The following PTGIS variants were observed in gnomAD, a reference collection of about 807,000 sequenced individuals.
PTGIS encodes the protein prostacyclin synthase.
In PTGIS, 45 loss-of-function variants were observed where a neutral mutation model predicts 50.3. The ratio of observed to expected loss-of-function variants is 0.90; its 90% confidence interval spans 0.70 to 1.15. The LOEUF is 1.15. PTGIS is among the 50% of genes most tolerant of loss of function. The pLI, the probability that PTGIS is intolerant of heterozygous loss-of-function variation, is 0.00. For missense variants in PTGIS, 668 were observed against 661.3 expected (o/e 1.01, Z -0.11); for synonymous variants, 260 against 267.7 (o/e 0.97, Z 0.28).
At chr20:49,538,250 G>A (rs1013405835) in intron 5 of PTGIS, among the ~76,000 whole-genome samples, 6 of 115,560 alleles carry the variant, frequency 5.2e-5, no homozygotes, top group Non-Finnish European at 1.0e-4. Flanking sequence ...GTGAGACCCT[G>A]GTTCAGAAAA....
chr20:49,558,932 C>T (rs780753395), intron 1 of PTGIS, among the ~76,000 whole-genome samples: 11 of 152,004 alleles, frequency 7.2e-5, no homozygotes, highest in Non-Finnish European at 1.3e-4. Context: ...AGGCTGGTCT[C>T]GAACTCCTGA....
rs1228951149 is a variant in PTGIS at position 49,549,943 on chromosome 20, A to C, written c.198+123T>G. 9.3e-5 allele frequency: 141 copies of C among 1,511,416 alleles called. 1 individual carries two copies. Among genetic ancestry groups the C allele is most frequent in the Admixed American group, 8.4e-5 (5 of 59,504 alleles). 93.6% of individuals were successfully genotyped at this position (1,511,416 alleles called of 1,614,324 possible). A position where few individuals can be genotyped will look rare whatever the true frequency, so the allele number is the denominator to read the frequency against. On this transcript the variant is annotated intron_variant, in intron 2 of 9. Transcript: ENST00000244043. ...ATAGAAAGTTGGCTCGACCACTCAG[A>C]TGGATGTTGGATGGTGGGGTGGGGG...
At chr20:49,555,156 C>T (rs1982596891) in intron 1 of PTGIS, among the ~76,000 whole-genome samples, 1 of 151,960 alleles carries the variant, frequency 6.6e-6, no homozygotes, top group African/African-American at 2.4e-5. Flanking sequence ...GCCTATAATC[C>T]CAGCTAGTCG....
intron 6 of PTGIS, among the ~76,000 whole-genome samples, chr20:49,519,534 G>A (rs1003320244): frequency 2.6e-5 from 4 of 151,838 alleles, no homozygotes; most frequent in Admixed American, 2.0e-4. Flanking sequence ...AGAGCCCCAG[G>A]GATGCCCCCT....
At chr20:49,559,755 A>G (rs747658749) in intron 1 of PTGIS, among the ~76,000 whole-genome samples, 15 of 152,132 alleles carry the variant, frequency 9.9e-5, no homozygotes, top group African/African-American at 3.4e-4. Context: ...TGGGAAATCA[A>G]TAGAGATAGA....
intron 3 of PTGIS, among the ~76,000 whole-genome samples, chr20:49,547,630 C>CAAACAAAA (rs965775052): frequency 1.3e-5 from 2 of 152,008 alleles, no homozygotes; most frequent in Admixed American, 6.5e-5. Context: ...AACAAACAAA[C>CAAACAAAA]AAACAAAAAA....
intron 6 of PTGIS, among the ~76,000 whole-genome samples, chr20:49,517,400 G>A (rs778700181): frequency 7.9e-5 from 12 of 152,206 alleles, no homozygotes; most frequent in South Asian, 2.1e-4. Flanking sequence ...GCTGTGGCAA[G>A]TTAGGGAGGT....
Position 49,514,264 on chromosome 20 carries a change from A to T in PTGIS, c.987T>A (p.Thr329=). Residue 329 remains threonine (T), a synonymous_variant, in exon 7 of 10, where the codon ACT becomes ACA. Transcript: ENST00000244043. Reference sequence around the variant, plus strand: ...TGCTGTCTAGAACCTTCTGTGGGAGAGTGGTCGTCTGCGAGACAGGCTGCT... The same window carrying T: ...TGCTGTCTAGAACCTTCTGTGGGAGTGTGGTCGTCTGCGAGACAGGCTGCT... ...QAEQPVSQTT[T]LPQKVLDSTP... The T allele has an allele frequency of 6.2e-7, 1 of 1,614,024 alleles. No individual in the cohort carries two copies. Among genetic ancestry groups the T allele is most frequent in the South Asian group, 1.1e-5 (1 of 91,078 alleles).
chr20:49,564,606 A>C (rs963399926), intron 1 of PTGIS, among the ~76,000 whole-genome samples: 5 of 152,188 alleles, frequency 3.3e-5, no homozygotes, highest in Non-Finnish European at 7.4e-5. Context: ...GTATAGGTAC[A>C]TGGGGCTTCT....
intron 9 of PTGIS, 99 bp from the exon 10 acceptor site, chr20:49,508,163 C>A (rs1981207136): frequency 1.4e-6 from 2 of 1,404,018 alleles, no homozygotes; most frequent in Admixed American, 3.6e-5. Flanking sequence ...AAGTCTGACT[C>A]CAACTTTGAG....
Position 49,504,538 on chromosome 20 carries a change from A to T in PTGIS, c.*3382T>A, listed in dbSNP as rs1981087694. On this transcript the variant is annotated 3_prime_UTR_variant, in exon 10 of 10. Transcript: ENST00000244043. The stretch of plus-strand genomic sequence containing the variant: ...GGGAAACCCCGTCTCTACTAAAAAT[A>T]CAAAAATCAGTTGGGCGTGGTGGTG... 1 of 151,922 alleles carries T rather than the reference A, an allele frequency of 6.6e-6. No individual in the cohort carries two copies. Among genetic ancestry groups the T allele is most frequent in the Non-Finnish European group, 1.5e-5 (1 of 67,982 alleles). The allele number at this position is 151,922 out of a possible 1,614,324, so 9.4% of individuals were successfully genotyped here. A position where few individuals can be genotyped will look rare whatever the true frequency, so the allele number is the denominator to read the frequency against.
intron 2 of PTGIS, 36 bp from the exon 3 acceptor site, chr20:49,548,055 C>T: frequency 1.3e-6 from 2 of 1,597,964 alleles, no homozygotes; most frequent in South Asian, 2.2e-5. Context: ...TGAGGAGTGT[C>T]ACTGTGAACA....
intron 1 of PTGIS, among the ~76,000 whole-genome samples, chr20:49,559,607 T>C (rs1568686729): frequency 6.6e-6 from 1 of 152,218 alleles, no homozygotes; most frequent in African/African-American, 2.4e-5. Flanking sequence ...CACGAAACGT[T>C]ACTCAGCCAC....
rs1484954252 is a variant in PTGIS at position 49,540,768 on chromosome 20, C to T, written c.522-1047G>A. On this transcript the variant is annotated intron_variant, in intron 4 of 9. Transcript: ENST00000244043. The surrounding 1 kb of genome is among the most constrained non-coding windows in gnomAD (Gnocchi z 4.8). The stretch of plus-strand genomic sequence containing the variant: ...GTCCAGCCCCAGCCCAGCGGGCTGA[C>T]CTCAGTCCTGGGAGGGAAACTGCAG... Among the ~76,000 whole-genome samples, 1 of 152,188 alleles carries T rather than the reference C, an allele frequency of 6.6e-6. No individual in the cohort carries two copies. The highest frequency in any genetic ancestry group is 6.5e-5 in the Admixed American group (1 of 15,286).
At chr20:49,509,421 A>G (rs1444533754) in intron 9 of PTGIS, among the ~76,000 whole-genome samples, 1 of 152,242 alleles carries the variant, frequency 6.6e-6, no homozygotes, top group African/African-American at 2.4e-5. Flanking sequence ...CTAAGCATTT[A>G]GTACCCGCTA....
chr20:49,515,803 G>T (rs901712645), intron 6 of PTGIS, among the ~76,000 whole-genome samples: 1 of 152,182 alleles, frequency 6.6e-6, no homozygotes, highest in Admixed American at 6.5e-5. Flanking sequence ...GCATGCAAAC[G>T]CAAGGTGCAG....
chr20:49,507,381 TGGG>T lies in PTGIS; in HGVS notation c.*536_*538del. ...GTGAGCAATGGGGCAATCTGGCAAATGGGGCCCCAGGGAAGCAGATCTTCTAAG... is the reference window on the plus strand; with the variant it reads ...GTGAGCAATGGGGCAATCTGGCAAATGCCCCAGGGAAGCAGATCTTCTAAG... On this transcript the variant is annotated 3_prime_UTR_variant, in exon 10 of 10. Transcript: ENST00000244043. The T allele has an allele frequency of 4.9e-6, 1 of 203,760 alleles. No individual in the cohort carries two copies. Among genetic ancestry groups the T allele is most frequent in the Non-Finnish European group, 1.0e-5 (1 of 99,168 alleles). 12.6% of individuals were successfully genotyped at this position (203,760 alleles called of 1,614,324 possible). A position where few individuals can be genotyped will look rare whatever the true frequency, so the allele number is the denominator to read the frequency against.
chr20:49,568,017 G>T, intron 1 of PTGIS, 26 bp downstream of exon 1: 1 of 1,471,306 alleles, frequency 6.8e-7, no homozygotes, highest in Non-Finnish European at 9.0e-7. Flanking sequence ...TTTGTCTGGC[G>T]GGGCCGAGCG....
In PTGIS at chr20:49,513,071, G is replaced by A; in HGVS notation, c.1206+9C>T. 6.2e-7 allele frequency: 1 copy of A among 1,614,148 alleles called. No homozygotes were observed. The highest frequency in any genetic ancestry group is 8.5e-7 in the Non-Finnish European group (1 of 1,180,014). ...AGACCCCATATGACCAGGCGCCCCT[G>A]CCATTTACCTCTGGGTCTGTGTAGA... On this transcript the variant is annotated intron_variant, in intron 8 of 9. Coordinates refer to ENST00000244043, the MANE Select transcript of PTGIS (RefSeq NM_000961.4).
Sources: gnomAD v4.1 joint callset for allele counts (sites outside exome capture counted in the v4.1 genomes callset) on GRCh38, gnomAD v4.1.1 for gene constraint, Gnocchi (gnomAD v3.1) non-coding constraint, MANE v1.5 for transcripts, NCBI Gene and HGNC (gene_info 2026-07-23, HGNC 2026-07-21) for gene names.